Variants in HS6ST3 observed in about 807,000 individuals in gnomAD.
HS6ST3 encodes heparan sulfate 6-O-sulfotransferase 3.
A neutral mutation model predicts 36.7 loss-of-function variants in HS6ST3; 12 were observed. That is an observed-to-expected ratio of 0.33 (90% CI 0.21 to 0.53). HS6ST3 has a LOEUF of 0.53. Among genes scored for constraint, HS6ST3 ranks in the 20% least tolerant of loss-of-function variants. HS6ST3 has a pLI of 0.95. For missense variants in HS6ST3, 584 were observed against 640.9 expected (o/e 0.91, Z 0.96); for synonymous variants, 240 against 257.5 (o/e 0.93, Z 0.65).
At chr13:96,271,955 T>G (rs1594739192) in intron 1 of HS6ST3, among the ~76,000 whole-genome samples, 1 of 152,122 alleles carries the variant, frequency 6.6e-6, no homozygotes. Flanking sequence ...ACAATCTGCT[T>G]CTGGCTCACT....
chr13:96,627,604 A>G (rs1019621449), intron 1 of HS6ST3, among the ~76,000 whole-genome samples: 7 of 151,726 alleles, frequency 4.6e-5, no homozygotes, highest in Non-Finnish European at 7.4e-5. Context: ...AGTATTTTTT[A>G]TTTCTTGAAT....
chr13:96,095,187 C>G (rs2053784336), intron 1 of HS6ST3, among the ~76,000 whole-genome samples: 1 of 152,274 alleles, frequency 6.6e-6, no homozygotes, highest in East Asian at 1.9e-4. Flanking sequence ...CTTGTGTTTA[C>G]TATGGAAAGT....
At chr13:96,471,161 A>C (rs1350003547) in intron 1 of HS6ST3, among the ~76,000 whole-genome samples, 1 of 152,218 alleles carries the variant, frequency 6.6e-6, no homozygotes, top group Non-Finnish European at 1.5e-5. Context: ...GTCAAGCAAC[A>C]GAAAGTGCTG....
chr13:96,445,896 G>A (rs1195325152), intron 1 of HS6ST3, among the ~76,000 whole-genome samples: 2 of 151,190 alleles, frequency 1.3e-5, no homozygotes, highest in African/African-American at 4.9e-5. Flanking sequence ...AAAAATGCTG[G>A]GTGCAGTGCC....
At chr13:96,808,354 C>T (rs1216535903) in intron 1 of HS6ST3, among the ~76,000 whole-genome samples, 1 of 152,168 alleles carries the variant, frequency 6.6e-6, no homozygotes, top group Non-Finnish European at 1.5e-5. Context: ...GGTATCACTT[C>T]CAGATCAAAG....
At chr13:96,770,992 A>G (rs896827452) in intron 1 of HS6ST3, among the ~76,000 whole-genome samples, 7 of 152,114 alleles carry the variant, frequency 4.6e-5, no homozygotes, top group Non-Finnish European at 1.0e-4. Flanking sequence ...TTCTTAATCC[A>G]GTCTATCATT....
At chr13:96,140,728 G>A (rs79733853) in intron 1 of HS6ST3, among the ~76,000 whole-genome samples, 2,446 of 152,240 alleles carry the variant, frequency 0.016, 29 homozygotes, top group Non-Finnish European at 0.026. Flanking sequence ...TACTTCTTAT[G>A]AAATCCTTTT....
At chr13:96,454,942 A>G (rs2055747701) in intron 1 of HS6ST3, among the ~76,000 whole-genome samples, 1 of 150,892 alleles carries the variant, frequency 6.6e-6, no homozygotes, top group African/African-American at 2.4e-5. Context: ...TGATATGCTG[A>G]AAGAAATTGA....
chr13:96,655,568 A>AT (rs954311369), intron 1 of HS6ST3, among the ~76,000 whole-genome samples: 1 of 152,082 alleles, frequency 6.6e-6, no homozygotes, highest in African/African-American at 2.4e-5. Context: ...TATTTATAAG[A>AT]TTTTTTTGAA....
At chr13:96,646,646 C>T (rs2056589473) in intron 1 of HS6ST3, among the ~76,000 whole-genome samples, 1 of 151,964 alleles carries the variant, frequency 6.6e-6, no homozygotes, top group African/African-American at 2.4e-5. Context: ...AAGCACTGGA[C>T]TGTTAATAAT....
chr13:96,135,586 G>A (rs2053997722), intron 1 of HS6ST3, among the ~76,000 whole-genome samples: 1 of 152,106 alleles, frequency 6.6e-6, no homozygotes, highest in Non-Finnish European at 1.5e-5. Flanking sequence ...GGAATTTACA[G>A]GGATCCAAGT....
At chr13:96,766,114 T>C (rs1308823715) in intron 1 of HS6ST3, among the ~76,000 whole-genome samples, 1 of 152,196 alleles carries the variant, frequency 6.6e-6, no homozygotes, top group Non-Finnish European at 1.5e-5. Flanking sequence ...GCTGTTAAAA[T>C]TGTAGAGAGT....
At chr13:96,401,638 G>A (rs974836924) in intron 1 of HS6ST3, among the ~76,000 whole-genome samples, 8 of 152,052 alleles carry the variant, frequency 5.3e-5, no homozygotes, top group South Asian at 2.1e-4. Flanking sequence ...ATGGTGGTGC[G>A]ATCTCGGCTC....
intron 1 of HS6ST3, among the ~76,000 whole-genome samples, chr13:96,125,364 G>A (rs2053945488): frequency 6.6e-6 from 1 of 152,150 alleles, no homozygotes; most frequent in Admixed American, 6.5e-5. Flanking sequence ...ATATACTGGT[G>A]TGTTAGGAGA....
chr13:96,770,607 A>G (rs923925264), intron 1 of HS6ST3, among the ~76,000 whole-genome samples: 14 of 152,096 alleles, frequency 9.2e-5, no homozygotes, highest in Admixed American at 2.6e-4. Flanking sequence ...GATATTGGGG[A>G]AAAAAAACTA....
intron 1 of HS6ST3, among the ~76,000 whole-genome samples, chr13:96,688,802 C>T (rs1005387244): frequency 1.3e-5 from 2 of 152,060 alleles, no homozygotes; most frequent in Non-Finnish European, 2.9e-5. Flanking sequence ...TTCATCCACC[C>T]AGTGTGGTTA....
intron 1 of HS6ST3, among the ~76,000 whole-genome samples, chr13:96,616,812 C>G (rs2056475800): frequency 1.3e-5 from 2 of 152,176 alleles, no homozygotes; most frequent in African/African-American, 4.8e-5. Flanking sequence ...GGATCAGCAT[C>G]TTATTAATTT....
intron 1 of HS6ST3, among the ~76,000 whole-genome samples, chr13:96,219,966 G>T (rs1295718836): frequency 6.6e-6 from 1 of 152,196 alleles, no homozygotes; most frequent in Non-Finnish European, 1.5e-5. Flanking sequence ...ACAGGTGTGA[G>T]CCACAGCTCC....
In HS6ST3 at chr13:96,204,872, T is replaced by C. The variant is rs2054361648; in HGVS notation, c.707+113303T>C. Among the ~76,000 whole-genome samples the C allele has an allele frequency of 4.6e-5, 7 of 152,262 alleles. 1 individual carries two copies. In the South Asian group the frequency reaches 1.4e-3, roughly 32 times the overall value. On this transcript the variant is annotated intron_variant, in intron 1 of 1. Coordinates refer to ENST00000376705, the MANE Select transcript of HS6ST3 (RefSeq NM_153456.4). ...TAAGAGAGAAATTTATAGCATTGAA[T>C]GCCCACATCAAAAAGCTAGAAAGAT...
Sources: gnomAD v4.1 joint callset for allele counts (sites outside exome capture counted in the v4.1 genomes callset) on GRCh38, gnomAD v4.1.1 for gene constraint, MANE v1.5 for transcripts, NCBI Gene and HGNC (gene_info 2026-07-23, HGNC 2026-07-21) for gene names.